The following EXOC4 variants were observed in gnomAD, a reference collection of about 807,000 sequenced individuals.
EXOC4 encodes the protein SEC8-like 1.
A neutral mutation model predicts 107.2 loss-of-function variants in EXOC4; 71 were observed. That is an observed-to-expected ratio of 0.66 (90% CI 0.55 to 0.81). The LOEUF (loss-of-function observed/expected upper bound fraction) is 0.81, where lower values mean the gene tolerates loss of function less well. EXOC4 is among the 30% of genes least tolerant of loss of function. The pLI, the probability that EXOC4 is intolerant of heterozygous loss-of-function variation, is 0.00. For synonymous variants in EXOC4, 456 were observed against 441.2 expected (o/e 1.03, Z -0.42); for missense variants, 1,108 against 1,189.6 (o/e 0.93, Z 1.01).
intron 1 of EXOC4, among the ~76,000 whole-genome samples, chr7:133,274,458 A>T (rs1371796695): frequency 6.6e-6 from 1 of 152,238 alleles, no homozygotes; most frequent in Non-Finnish European, 1.5e-5. Flanking sequence ...TTTGGTGGCC[A>T]AGGACATAGT....
chr7:133,367,435 G>C (rs1200180234), intron 6 of EXOC4, among the ~76,000 whole-genome samples: 1 of 152,096 alleles, frequency 6.6e-6, no homozygotes, highest in Non-Finnish European at 1.5e-5. Context: ...GGCCAAAGTG[G>C]GTTTCTTGGA....
intron 7 of EXOC4, among the ~76,000 whole-genome samples, chr7:133,381,414 G>C (rs750932210): frequency 6.6e-6 from 1 of 152,132 alleles, no homozygotes; most frequent in Non-Finnish European, 1.5e-5. Context: ...AGGTTTTGGA[G>C]ATTGATGATG....
chr7:133,749,581 A>G (rs1057371200), intron 10 of EXOC4, among the ~76,000 whole-genome samples: 2 of 151,992 alleles, frequency 1.3e-5, no homozygotes, highest in Admixed American at 6.5e-5. Flanking sequence ...TTTAATAGAG[A>G]TGGGGTTTCG....
chr7:133,639,912 C>T (rs9656422), intron 10 of EXOC4, among the ~76,000 whole-genome samples: 64,043 of 151,710 alleles, frequency 0.42, 14,443 homozygotes, highest in Admixed American at 0.56. Flanking sequence ...CTAACACTAA[C>T]AAGTTTCTAG....
intron 10 of EXOC4, among the ~76,000 whole-genome samples, chr7:133,740,792 A>G (rs1795547848): frequency 6.6e-6 from 1 of 152,206 alleles, no homozygotes; most frequent in South Asian, 2.1e-4. Context: ...TCCTCTAGGA[A>G]TGATGGCCCC....
chr7:133,922,163 TAATA>T (rs966182078), intron 13 of EXOC4, among the ~76,000 whole-genome samples: 10 of 152,178 alleles, frequency 6.6e-5, no homozygotes, highest in Admixed American at 1.3e-4. Context: ...TAATGAAGCA[TAATA>T]AATATATGAG....
chr7:133,646,063 A>C (rs1456238419), intron 10 of EXOC4, among the ~76,000 whole-genome samples: 7 of 151,944 alleles, frequency 4.6e-5, no homozygotes, highest in Admixed American at 4.6e-4. Context: ...AACAGCATAC[A>C]TATCAGAGGA....
Position 133,350,501 on chromosome 7 carries a change from A to G in EXOC4, c.764-5829A>G, listed in dbSNP as rs192230296. ...CTGTGTATGTGAGGTTTTTTCCCCT[A>G]GGGTCTCTTTTCTGTTCCATTGGTC... On this transcript the variant is annotated intron_variant, in intron 5 of 17. Transcript: ENST00000253861. Among the ~76,000 whole-genome samples the G allele has an allele frequency of 1.3e-3, 198 of 152,068 alleles. 2 individuals are homozygous for G. The highest frequency in any genetic ancestry group is 0.013 in the Admixed American group (195 of 15,270).
chr7:133,740,741 C>T (rs1040144501), intron 10 of EXOC4, among the ~76,000 whole-genome samples: 3 of 152,146 alleles, frequency 2.0e-5, no homozygotes, highest in Non-Finnish European at 1.5e-5. Flanking sequence ...ATAATTGCAT[C>T]TACTTGTATA....
intron 9 of EXOC4, among the ~76,000 whole-genome samples, chr7:133,524,504 A>G (rs1476686271): frequency 7.3e-4 from 96 of 131,486 alleles, no homozygotes; most frequent in Admixed American, 7.2e-3. Context: ...TTTAGACATG[A>G]AGTCCTTGCC....
chr7:133,927,569 T>G (rs1800080618), intron 13 of EXOC4, among the ~76,000 whole-genome samples: 1 of 152,250 alleles, frequency 6.6e-6, no homozygotes, highest in Non-Finnish European at 1.5e-5. Context: ...AGACTTTAGC[T>G]ATCTTGAACA....
chr7:133,623,407 G>A (rs1238544331), intron 9 of EXOC4, among the ~76,000 whole-genome samples: 1 of 152,088 alleles, frequency 6.6e-6, no homozygotes, highest in East Asian at 1.9e-4. Context: ...TTTGCTCCTA[G>A]TTGGTTTGTA....
chr7:134,067,628 T>C (rs1427717136), downstream of EXOC4, among the ~76,000 whole-genome samples: 1 of 43,094 alleles, frequency 2.3e-5, no homozygotes, highest in Middle Eastern at 0.01. Context: ...CCAACTCTTA[T>C]ATATATATAT....
chr7:133,756,565 A>G (rs1585124775), intron 10 of EXOC4, among the ~76,000 whole-genome samples: 1 of 152,244 alleles, frequency 6.6e-6, no homozygotes, highest in African/African-American at 2.4e-5. Flanking sequence ...GAATGCGGTG[A>G]AAGTTTTGAA....
At chr7:133,505,149 CTCGAGGAGTG>C (rs1298424864) in intron 9 of EXOC4, among the ~76,000 whole-genome samples, 1 of 152,080 alleles carries the variant, frequency 6.6e-6, no homozygotes, top group African/African-American at 2.4e-5. Context: ...GCTTGTGAGA[CTCGAGGAGTG>C]TCTTGAATAA....
intron 5 of EXOC4, among the ~76,000 whole-genome samples, chr7:133,338,748 C>CTT (rs67620822): frequency 5.7e-5 from 5 of 87,060 alleles, no homozygotes; most frequent in Admixed American, 1.4e-4. Context: ...ATGGTGTAGT[C>CTT]TTTTTTTTTT....
intron 3 of EXOC4, 26 bp downstream of exon 3, chr7:133,289,142 T>G: frequency 6.2e-7 from 1 of 1,601,806 alleles, no homozygotes; most frequent in Non-Finnish European, 8.5e-7. Context: ...GTGCTAAGGG[T>G]CATTTTTGTT....
intron 11 of EXOC4, among the ~76,000 whole-genome samples, chr7:133,855,088 T>TCTAAATATATCTAAATATAC (rs1798327451): frequency 1.1e-5 from 1 of 89,828 alleles, no homozygotes; most frequent in Non-Finnish European, 2.1e-5. Flanking sequence ...TCTAAATATA[T>TCTAAATATATCTAAATATAC]ATAAATATAT....
At chr7:133,855,566 A>G (rs532579608) in intron 11 of EXOC4, among the ~76,000 whole-genome samples, 1 of 151,996 alleles carries the variant, frequency 6.6e-6, no homozygotes, top group Non-Finnish European at 1.5e-5. Flanking sequence ...ATTTTTCTCC[A>G]CCCTAAGTGC....
Sources: allele counts gnomAD v4.1 joint callset (sites outside exome capture counted in the v4.1 genomes callset), GRCh38; gene constraint gnomAD v4.1.1; transcripts MANE v1.5; gene names NCBI Gene and HGNC (gene_info 2026-07-23, HGNC 2026-07-21).